TEAD1: variants seen among roughly 807,000 people sequenced by gnomAD.
TEAD1 encodes the protein TEA domain transcription factor 1.
Under a neutral mutation model 54.9 loss-of-function variants are expected in TEAD1, and 9 were observed. The ratio of observed to expected loss-of-function variants is 0.16; its 90% CI spans 0.10 to 0.29. The LOEUF is 0.29. Among genes scored for constraint, TEAD1 ranks in the 10% least tolerant of loss-of-function variants. TEAD1 has a pLI of 1.00. For missense variants in TEAD1, 387 were observed against 535.9 expected (o/e 0.72, Z 2.74); for synonymous variants, 200 against 187.8 (o/e 1.07, Z -0.53).
rs77139132 is a variant in TEAD1, at chr11:12,719,067, C to T, written c.-55+43506C>T. On this transcript the variant is annotated intron_variant, in intron 2 of 12. Transcript: ENST00000527636. The stretch of plus-strand genomic sequence containing the variant: ...TCAAATGTGGTTGGTTTCTGGGATT[C>T]CCAGGGGTTGGGAAGCTGTCTCTTT... 1.8e-3 allele frequency among the ~76,000 whole-genome samples: 269 copies of T among 151,810 alleles called. 2 individuals are homozygous for T. In the East Asian group the frequency reaches 0.031, roughly 18 times the overall value.
chr11:12,833,280 AAAG>A (rs1277505722), intron 3 of TEAD1, among the ~76,000 whole-genome samples: 7 of 152,192 alleles, frequency 4.6e-5, no homozygotes, highest in East Asian at 1.9e-4. Flanking sequence ...TGAGTTGAAA[AAAG>A]AAGATTTGGG....
At position 12,924,963 on chromosome 11, in the gene TEAD1, A is replaced by G; in HGVS notation, c.925A>G (p.Thr309Ala). 6.2e-7 allele frequency: 1 copy of G among 1,614,176 alleles called. No individual in the cohort carries two copies. The highest frequency in any genetic ancestry group is 8.5e-7 in the Non-Finnish European group (1 of 1,180,024). The change falls in exon 11 of 13, where the codon ACC becomes GCC. Residue 309 changes from threonine (T) to alanine (A), a missense_variant. By Grantham distance (58) the Thr-to-Ala change is moderately conservative. Coordinates refer to ENST00000527636, the MANE Select transcript of TEAD1 (RefSeq NM_021961.6). ...TGATGCTGGGGCTTTTTATGGTGTA[A>G]CCAGTCAGTACGAGAGTTCTGAAAA...
intron 10 of TEAD1, among the ~76,000 whole-genome samples, chr11:12,908,951 A>G (rs1039122454): frequency 6.7e-6 from 1 of 148,340 alleles, no homozygotes; most frequent in African/African-American, 2.5e-5. Context: ...ATTTACACAC[A>G]TGGTTATGTG....
intron 3 of TEAD1, among the ~76,000 whole-genome samples, chr11:12,768,656 C>T (rs1389165511): frequency 3.3e-5 from 5 of 152,250 alleles, no homozygotes; most frequent in East Asian, 1.9e-4. Flanking sequence ...TGGTAGAGAC[C>T]GTTATACATA....
chr11:12,865,006 C>T, intron 5 of TEAD1, 106 bp downstream of exon 5: 1 of 1,262,948 alleles, frequency 7.9e-7, no homozygotes, highest in Non-Finnish European at 1.2e-6. Context: ...AACCTAGTTT[C>T]CTTGCATGTG....
chr11:12,797,632 A>G (rs1945961748), intron 3 of TEAD1, among the ~76,000 whole-genome samples: 1 of 148,036 alleles, frequency 6.8e-6, no homozygotes, highest in African/African-American at 2.5e-5. Flanking sequence ...TTAAGGTTTT[A>G]TTTATCCCCT....
intron 2 of TEAD1, among the ~76,000 whole-genome samples, chr11:12,723,115 C>T (rs80003360): frequency 0.069 from 10,452 of 152,054 alleles, 1,233 homozygotes; most frequent in African/African-American, 0.24. Context: ...TTTTGGCTCT[C>T]AATGGATATT....
At chr11:12,809,467 T>C (rs1946246268) in intron 3 of TEAD1, among the ~76,000 whole-genome samples, 1 of 152,200 alleles carries the variant, frequency 6.6e-6, no homozygotes, top group Non-Finnish European at 1.5e-5. Flanking sequence ...TTGTGTCTTG[T>C]AGGCATTCAA....
intron 2 of TEAD1, among the ~76,000 whole-genome samples, chr11:12,705,258 C>A (rs757468503): frequency 6.6e-6 from 1 of 152,228 alleles, no homozygotes; most frequent in Admixed American, 6.5e-5. Context: ...AGACCACAAG[C>A]TTTTATCTTG....
At chr11:12,924,849 C>T in intron 10 of TEAD1, 63 bp from the exon 11 acceptor site, 10 of 1,602,786 alleles carry the variant, frequency 6.2e-6, no homozygotes, top group Non-Finnish European at 8.5e-6. Context: ...CTGAAAGTTA[C>T]TGCTCGGTGC....
At position 12,782,835 on chromosome 11, in the gene TEAD1, G is replaced by A. The variant is rs1046497365; in HGVS notation, c.202+18401G>A. On this transcript the variant is annotated intron_variant, in intron 3 of 12. Transcript: ENST00000527636. Reference sequence around the variant, plus strand: ...GTTAACTCAGATACCAGGTGAGGGAGAAGGTGACTGAATCTGTGGCAGCCG... The same window carrying A: ...GTTAACTCAGATACCAGGTGAGGGAAAAGGTGACTGAATCTGTGGCAGCCG... Among the ~76,000 whole-genome samples, 77 of 152,302 alleles carry A rather than the reference G, an allele frequency of 5.1e-4. 1 individual carries two copies. Among genetic ancestry groups the A allele is most frequent in the African/African-American group, 1.7e-3 (71 of 41,566 alleles).
intron 11 of TEAD1, among the ~76,000 whole-genome samples, chr11:12,926,911 C>A (rs546695120): frequency 6.6e-6 from 1 of 152,234 alleles, no homozygotes; most frequent in South Asian, 2.1e-4. Context: ...AGCAAAGTTA[C>A]CTGTGTGTGA....
In TEAD1 at chr11:12,709,065, C is replaced by T. The variant is rs539199389; in HGVS notation, c.-55+33504C>T. Among the ~76,000 whole-genome samples the T allele has an allele frequency of 1.6e-4, 25 of 152,130 alleles. 1 individual carries two copies. The South Asian group carries it at 3.1e-3, about 19-fold the overall frequency. On this transcript the variant is annotated intron_variant, in intron 2 of 12. Coordinates refer to ENST00000527636, the MANE Select transcript of TEAD1 (RefSeq NM_021961.6). ...AAACCATAGTAATTTGGGCTGGGTG[C>T]GGTAGCTCATGCCTGTAATCCCAGC...
At chr11:12,809,427 A>G (rs10831910) in intron 3 of TEAD1, among the ~76,000 whole-genome samples, 67,268 of 152,106 alleles carry the variant, frequency 0.44, 17,172 homozygotes, top group Non-Finnish European at 0.57. Context: ...CATTTCACTC[A>G]TTGCTGGGCC....
chr11:12,676,021 G>T (rs1821444986), intron 2 of TEAD1, among the ~76,000 whole-genome samples: 1 of 152,178 alleles, frequency 6.6e-6, no homozygotes, highest in African/African-American at 2.4e-5. Context: ...ACCTCAGTGA[G>T]CCCTGGAAAC....
chr11:12,896,150 G>A (rs1192669645), intron 9 of TEAD1, among the ~76,000 whole-genome samples: 1 of 152,112 alleles, frequency 6.6e-6, no homozygotes, highest in African/African-American at 2.4e-5. Context: ...TTTCTGGGGT[G>A]TATGGTTGTC....
At chr11:12,848,979 GT>G (rs1386344068) in intron 3 of TEAD1, 1 of 151,974 alleles carries the variant, frequency 6.6e-6, no homozygotes, top group Non-Finnish European at 1.5e-5. Context: ...AAAAAGCACA[GT>G]GCTTTGCATA....
At chr11:12,779,564 A>G (rs967768025) in intron 3 of TEAD1, among the ~76,000 whole-genome samples, 1 of 152,228 alleles carries the variant, frequency 6.6e-6, no homozygotes, top group Non-Finnish European at 1.5e-5. Flanking sequence ...TAATACATTA[A>G]AATACTTAGA....
intron 9 of TEAD1, among the ~76,000 whole-genome samples, chr11:12,883,685 A>C (rs1036074530): frequency 3.3e-5 from 5 of 152,170 alleles, no homozygotes; most frequent in Admixed American, 6.5e-5. Context: ...TGTTTTCTCA[A>C]GATAGCAAGT....
Sources: allele counts gnomAD v4.1 joint callset (sites outside exome capture counted in the v4.1 genomes callset), GRCh38; gene constraint gnomAD v4.1.1; transcripts MANE v1.5; gene names NCBI Gene and HGNC (gene_info 2026-07-23, HGNC 2026-07-21).